The following DMXL1 variants were observed in gnomAD, a reference collection of about 807,000 sequenced individuals.
DMXL1 encodes dmX-like protein 1.
DMXL1 carries 99 observed loss-of-function variants against 319.2 expected under a neutral mutation model. That is an observed-to-expected ratio of 0.31 (90% CI 0.26 to 0.37). The LOEUF (loss-of-function observed/expected upper bound fraction) is 0.37, where lower values mean the gene tolerates loss of function less well. Among genes scored for constraint, DMXL1 ranks in the 10% least tolerant of loss-of-function variants. The pLI is 1.00. For synonymous variants in DMXL1, 1,385 were observed against 1,235.2 expected (o/e 1.12, Z -2.54); for missense variants, 3,745 against 3,595.6 (o/e 1.04, Z -1.06).
chr5:119,210,705 G>A (rs1252221692), intron 34 of DMXL1, among the ~76,000 whole-genome samples: 1 of 141,750 alleles, frequency 7.1e-6, no homozygotes, highest in Non-Finnish European at 1.5e-5. Context: ...GTCATGTATT[G>A]TAAGTCATTC....
At chr5:119,157,465 T>A (rs867493117) in intron 19 of DMXL1, among the ~76,000 whole-genome samples, 17 of 152,348 alleles carry the variant, frequency 1.1e-4, no homozygotes, top group Middle Eastern at 3.4e-3. Context: ...GGTCTTATGC[T>A]TAAGTATTTA....
chr5:119,126,144 G>A (rs955154379), intron 9 of DMXL1, among the ~76,000 whole-genome samples: 2 of 152,182 alleles, frequency 1.3e-5, no homozygotes, highest in African/African-American at 4.8e-5. Flanking sequence ...TTAGCCAGGC[G>A]TGGTGGTGTC....
chr5:119,171,703 A>G, intron 24 of DMXL1, 75 bp from the exon 25 acceptor site: 1 of 1,191,784 alleles, frequency 8.4e-7, no homozygotes, highest in South Asian at 1.7e-5. Flanking sequence ...TGTTTTAAAG[A>G]GCCCTTGATT....
At chr5:119,109,633 T>C (rs1046046605) in intron 4 of DMXL1, among the ~76,000 whole-genome samples, 3 of 152,256 alleles carry the variant, frequency 2.0e-5, no homozygotes, top group African/African-American at 7.2e-5. Flanking sequence ...TATGTCTTCA[T>C]GCCTTTGTTC....
At chr5:119,147,725 C>T in intron 17 of DMXL1, 1 of 382,036 alleles carries the variant, frequency 2.6e-6, no homozygotes, top group Middle Eastern at 7.4e-4. Flanking sequence ...GACAAAGGGA[C>T]AGTTTCTGGA....
chr5:119,141,803 C>T (rs1767412494), intron 13 of DMXL1, among the ~76,000 whole-genome samples: 1 of 151,986 alleles, frequency 6.6e-6, no homozygotes, highest in African/African-American at 2.4e-5. Context: ...GGCTGTGTAG[C>T]CAAGGCAATC....
At chr5:119,224,017 A>G (rs1342604370) in intron 37 of DMXL1, among the ~76,000 whole-genome samples, 1 of 152,118 alleles carries the variant, frequency 6.6e-6, no homozygotes, top group African/African-American at 2.4e-5. Context: ...AACTGCATCA[A>G]TATATGTGTT....
At chr5:119,168,796 C>T (rs990216217) in intron 23 of DMXL1, among the ~76,000 whole-genome samples, 2 of 152,062 alleles carry the variant, frequency 1.3e-5, no homozygotes, top group African/African-American at 4.8e-5. Flanking sequence ...TCTAGCTGTC[C>T]TCCCACCTCA....
At chr5:119,087,255 G>C (rs145449986) in intron 1 of DMXL1, among the ~76,000 whole-genome samples, 44 of 151,246 alleles carry the variant, frequency 2.9e-4, no homozygotes, top group Admixed American at 2.2e-3. Context: ...TGCATTATTA[G>C]GTTATTTGAA....
At chr5:119,134,831 C>G (rs941410992) in intron 13 of DMXL1, among the ~76,000 whole-genome samples, 3 of 152,208 alleles carry the variant, frequency 2.0e-5, no homozygotes, top group African/African-American at 7.2e-5. Flanking sequence ...TGCCTTATGA[C>G]AGGCCACATT....
intron 2 of DMXL1, among the ~76,000 whole-genome samples, chr5:119,101,343 C>T (rs1427861622): frequency 1.3e-5 from 2 of 151,964 alleles, no homozygotes; most frequent in African/African-American, 4.8e-5. Flanking sequence ...TTTAATCTCT[C>T]TCTCTGTTTG....
At chr5:119,118,530 T>A (rs557346882) in intron 7 of DMXL1, among the ~76,000 whole-genome samples, 2 of 152,228 alleles carry the variant, frequency 1.3e-5, no homozygotes, top group South Asian at 4.1e-4. Context: ...GCCAGAGGAT[T>A]GCTTGAATCC....
At chr5:119,076,135 C>A (rs1177184781) in intron 1 of DMXL1, among the ~76,000 whole-genome samples, 3 of 152,096 alleles carry the variant, frequency 2.0e-5, no homozygotes, top group African/African-American at 4.8e-5. Flanking sequence ...ACTTAAACAT[C>A]TTAGCTATGG....
intron 19 of DMXL1, among the ~76,000 whole-genome samples, chr5:119,160,816 C>G (rs1325081651): frequency 1.3e-5 from 2 of 152,090 alleles, no homozygotes; most frequent in Non-Finnish European, 2.9e-5. Flanking sequence ...TCTATTTTGT[C>G]TAAGTATAGC....
chr5:119,136,986 G>A (rs1257409917), intron 13 of DMXL1, among the ~76,000 whole-genome samples: 1 of 152,240 alleles, frequency 6.6e-6, no homozygotes, highest in East Asian at 1.9e-4. Context: ...TCATCCTCCA[G>A]ACCCCAAAAA....
In DMXL1 at chr5:119,238,306, G is replaced by C. The variant is rs539872020; in HGVS notation, c.8560-683G>C. Among the ~76,000 whole-genome samples, 3 of 152,048 alleles carry C rather than the reference G, an allele frequency of 2.0e-5. No individual in the cohort carries two copies. In the South Asian group the frequency reaches 6.2e-4, roughly 32 times the overall value. On this transcript the variant is annotated intron_variant, in intron 40 of 43. Coordinates refer to ENST00000539542, the MANE Select transcript of DMXL1 (RefSeq NM_001290321.3). Reference sequence around the variant, plus strand: ...AGTTGGCTCAAAGGAATAATCTTTGGTGTGGTGATTTTGGGATACTTAAAA... The same window carrying C: ...AGTTGGCTCAAAGGAATAATCTTTGCTGTGGTGATTTTGGGATACTTAAAA...
Position 119,072,592 on chromosome 5 carries a change from G to A in DMXL1, c.87+936G>A, listed in dbSNP as rs377129524. Reference sequence around the variant, plus strand: ...GTATAAGTGACACAAAGTAAACAACGTAACCAATGCCCCAGGTTTAGGAGT... The same window carrying A: ...GTATAAGTGACACAAAGTAAACAACATAACCAATGCCCCAGGTTTAGGAGT... On this transcript the variant is annotated intron_variant, in intron 1 of 43. Transcript: ENST00000539542. 1.4e-3 allele frequency among the ~76,000 whole-genome samples: 216 copies of A among 152,202 alleles called. 1 individual carries two copies. Among genetic ancestry groups the A allele is most frequent in the African/African-American group, 5.1e-3 (210 of 41,532 alleles).
chr5:119,128,256 T>A (rs976067214), intron 9 of DMXL1: 9 of 303,910 alleles, frequency 3.0e-5, no homozygotes, highest in Non-Finnish European at 5.1e-5. Flanking sequence ...AGTTGATTAA[T>A]GTAAAGTTTC....
At chr5:119,236,490 C>T (rs1787779499) in intron 39 of DMXL1, 1 of 151,904 alleles carries the variant, frequency 6.6e-6, no homozygotes, top group Non-Finnish European at 1.5e-5. Flanking sequence ...TAATACTACA[C>T]ACAGCACAAG....
Sources: gnomAD v4.1 joint callset for allele counts (sites outside exome capture counted in the v4.1 genomes callset) on GRCh38, gnomAD v4.1.1 for gene constraint, MANE v1.5 for transcripts, NCBI Gene and HGNC (gene_info 2026-07-23, HGNC 2026-07-21) for gene names.